The following TRAK1 variants were observed in gnomAD, a reference collection of about 807,000 sequenced individuals.
TRAK1 encodes trafficking kinesin protein 1.
In TRAK1, 33 loss-of-function variants were observed where a neutral mutation model predicts 92.1. That is an observed-to-expected ratio of 0.36 (90% CI 0.27 to 0.48). The LOEUF is 0.48. Ranked by LOEUF, TRAK1 falls within the 20% of genes least tolerant of loss-of-function variation. TRAK1 has a pLI of 0.99. For synonymous variants in TRAK1, 521 were observed against 517.3 expected, an observed-to-expected ratio of 1.01 and a Z score of -0.10; for missense variants, 1,123 against 1,257.9, an observed-to-expected ratio of 0.89 and a Z score of 1.62.
chr3:42,151,219 C>A, intron 2 of TRAK1: 1 of 382,830 alleles, frequency 2.6e-6, no homozygotes, highest in Non-Finnish European at 5.1e-6. Context: ...AAATGCCACA[C>A]CATCCAGTTC....
chr3:42,061,147 C>T (rs1703421894), intron 1 of TRAK1, among the ~76,000 whole-genome samples: 1 of 152,100 alleles, frequency 6.6e-6, no homozygotes, highest in Non-Finnish European at 1.5e-5. Flanking sequence ...AGAAAAGTTA[C>T]AAAAAGTGTG....
intron 1 of TRAK1, among the ~76,000 whole-genome samples, chr3:42,072,601 G>T (rs577212936): frequency 1.3e-5 from 2 of 150,708 alleles, no homozygotes; most frequent in Non-Finnish European, 2.9e-5. Flanking sequence ...GGAGACAGGC[G>T]TGAGCTTACA....
intron 1 of TRAK1, among the ~76,000 whole-genome samples, chr3:42,077,754 A>G (rs931431304): frequency 5.3e-5 from 8 of 152,182 alleles, no homozygotes; most frequent in African/African-American, 1.7e-4. Flanking sequence ...CAACTTGGAC[A>G]TTATTGGCGT....
At chr3:42,042,737 T>C (rs1702597698) in intron 1 of TRAK1, among the ~76,000 whole-genome samples, 1 of 152,080 alleles carries the variant, frequency 6.6e-6, no homozygotes, top group Non-Finnish European at 1.5e-5. Flanking sequence ...TTGCAAATTG[T>C]TTTTCAGTGA....
At chr3:42,152,594 G>T (rs913795706) in intron 2 of TRAK1, among the ~76,000 whole-genome samples, 6 of 152,196 alleles carry the variant, frequency 3.9e-5, no homozygotes, top group Non-Finnish European at 8.8e-5. Context: ...CATCACGTGT[G>T]TTTGGGAAAC....
chr3:42,060,934 T>TTTG (rs533179438), intron 1 of TRAK1, among the ~76,000 whole-genome samples: 1 of 151,964 alleles, frequency 6.6e-6, no homozygotes, highest in Non-Finnish European at 1.5e-5. Flanking sequence ...CCCGGCCTTT[T>TTTG]TTGTTGTTGT....
chr3:42,129,877 C>G (rs1196337479), intron 2 of TRAK1, among the ~76,000 whole-genome samples: 1 of 152,070 alleles, frequency 6.6e-6, no homozygotes, highest in Non-Finnish European at 1.5e-5. Flanking sequence ...GACAAGAAAA[C>G]TTCTTGTTTA....
In TRAK1 at chr3:42,219,525, C is replaced by A. The variant is rs1242228023; in HGVS notation, c.1995C>A (p.Thr665=). The change falls in exon 15 of 16, where the codon ACC becomes ACA. Residue 665 remains threonine, a synonymous_variant. Coordinates refer to ENST00000327628, the MANE Select transcript of TRAK1 (RefSeq NM_001042646.3). ...ATCCTGGGAAGTGCATGTCTCAGAC[C>A]AACTCCACCTTCACCTTCACCACCT... ...AHHPGKCMSQ[T]NSTFTFTTCR... is the part of the protein sequence containing the mutation. 6.3e-7 allele frequency: 1 copy of A among 1,588,254 alleles called. No individual in the cohort carries two copies. Among genetic ancestry groups the A allele is most frequent in the Admixed American group, 1.7e-5 (1 of 59,142 alleles).
chr3:42,034,919 C>T (rs1702270999), intron 1 of TRAK1, among the ~76,000 whole-genome samples: 1 of 152,096 alleles, frequency 6.6e-6, no homozygotes, highest in Admixed American at 6.6e-5. Flanking sequence ...CCTCATCTTG[C>T]CTGTGGCCTC....
intron 15 of TRAK1, among the ~76,000 whole-genome samples, chr3:42,222,334 C>T (rs897121188): frequency 1.6e-4 from 24 of 152,138 alleles, no homozygotes; most frequent in Admixed American, 1.4e-3. Context: ...AAGGGCAGCA[C>T]GGTGCAGAGG....
chr3:42,144,437 GAT>G (rs1393802352), intron 2 of TRAK1, among the ~76,000 whole-genome samples: 3 of 152,092 alleles, frequency 2.0e-5, no homozygotes, highest in African/African-American at 7.2e-5. Flanking sequence ...AGATGAGACT[GAT>G]GTTATCTAAT....
chr3:42,197,090 G>A (rs1706823624), intron 10 of TRAK1, among the ~76,000 whole-genome samples: 1 of 147,908 alleles, frequency 6.8e-6, no homozygotes, highest in Non-Finnish European at 1.5e-5. Flanking sequence ...AATTTTATTT[G>A]CCTAAAAATA....
chr3:42,190,091 T>C (rs73828595), intron 6 of TRAK1, among the ~76,000 whole-genome samples: 8,408 of 152,274 alleles, frequency 0.055, 231 homozygotes, highest in Middle Eastern at 0.075. Context: ...AGTCTGTGAC[T>C]CTAAGCCCCT....
chr3:42,132,675 T>C (rs1275906716), intron 2 of TRAK1, among the ~76,000 whole-genome samples: 2 of 151,640 alleles, frequency 1.3e-5, no homozygotes, highest in African/African-American at 2.4e-5. Context: ...CCGTCAGGCA[T>C]AGTCATTCTA....
At chr3:42,029,921 C>T (rs1474430072) in intron 1 of TRAK1, among the ~76,000 whole-genome samples, 9 of 151,840 alleles carry the variant, frequency 5.9e-5, no homozygotes, top group South Asian at 2.1e-4. Flanking sequence ...ATTGGAAGTA[C>T]GGATGGTAGA....
intron 10 of TRAK1, among the ~76,000 whole-genome samples, chr3:42,195,687 G>T (rs1706508884): frequency 2.0e-5 from 3 of 152,020 alleles, no homozygotes; most frequent in African/African-American, 7.3e-5. Context: ...AGGAAGTCAG[G>T]CTAGAATAGC....
At chr3:42,175,175 A>G (rs968261983) in intron 2 of TRAK1, among the ~76,000 whole-genome samples, 1 of 152,080 alleles carries the variant, frequency 6.6e-6, no homozygotes, top group Non-Finnish European at 1.5e-5. Context: ...CACAGAGACC[A>G]CTTAGTTGCT....
At chr3:42,133,565 C>T (rs1697498401) in intron 2 of TRAK1, among the ~76,000 whole-genome samples, 1 of 152,162 alleles carries the variant, frequency 6.6e-6, no homozygotes, top group Non-Finnish European at 1.5e-5. Flanking sequence ...CTGTCCATGA[C>T]AAGCCTTCCT....
chr3:42,052,481 T>TCTGAGGC (rs1412614878), intron 1 of TRAK1, among the ~76,000 whole-genome samples: 1 of 152,250 alleles, frequency 6.6e-6, no homozygotes, highest in Non-Finnish European at 1.5e-5. Context: ...AGTAGTCTTA[T>TCTGAGGC]CTGAGGCTTC....
Sources: allele counts gnomAD v4.1 joint callset (sites outside exome capture counted in the v4.1 genomes callset), GRCh38; gene constraint gnomAD v4.1.1; transcripts MANE v1.5; gene names NCBI Gene and HGNC (gene_info 2026-07-23, HGNC 2026-07-21).